DACH1: variants seen among roughly 807,000 people sequenced by gnomAD.
DACH1 encodes dachshund family transcription factor 1, also known as dachshund homolog 1.
In DACH1, 12 loss-of-function variants were observed where a neutral mutation model predicts 54.2. The observed-to-expected ratio is 0.22, with a 90% CI of 0.14 to 0.36. The LOEUF (loss-of-function observed/expected upper bound fraction) is 0.36, where lower values mean the gene tolerates loss of function less well. Among genes scored for constraint, DACH1 ranks in the 10% least tolerant of loss-of-function variants. DACH1 has a pLI of 1.00. For synonymous variants in DACH1, 386 were observed against 366.2 expected (o/e 1.05, Z -0.62); for missense variants, 805 against 929.8 (o/e 0.87, Z 1.75).
At chr13:71,660,753 T>A (rs1389957905) in intron 2 of DACH1, among the ~76,000 whole-genome samples, 1 of 151,914 alleles carries the variant, frequency 6.6e-6, no homozygotes, top group African/African-American at 2.4e-5. Flanking sequence ...TGTTAGATTA[T>A]GTTAGGAATT....
chr13:71,626,849 A>G (rs757250309), intron 3 of DACH1, among the ~76,000 whole-genome samples: 5 of 152,080 alleles, frequency 3.3e-5, no homozygotes, highest in Non-Finnish European at 5.9e-5. Flanking sequence ...CATTTCAGTA[A>G]GCAGGAGATT....
At chr13:71,653,946 A>G (rs1158790957) in intron 2 of DACH1, among the ~76,000 whole-genome samples, 1 of 152,184 alleles carries the variant, frequency 6.6e-6, no homozygotes, top group Non-Finnish European at 1.5e-5. Flanking sequence ...ACCACTATTT[A>G]TATTTGCACT....
At chr13:71,610,592 A>T (rs887176417) in intron 3 of DACH1, among the ~76,000 whole-genome samples, 7 of 152,216 alleles carry the variant, frequency 4.6e-5, no homozygotes, top group Non-Finnish European at 1.0e-4. Context: ...TCAATACATT[A>T]ACATAACACA....
chr13:71,515,861 T>C lies in DACH1; in HGVS notation c.1571-26713A>G, dbSNP rs143852459. Among the ~76,000 whole-genome samples, 310 of 152,004 alleles carry C rather than the reference T, an allele frequency of 2.0e-3. 1 individual carries two copies. Among genetic ancestry groups the C allele is most frequent in the African/African-American group, 6.2e-3 (259 of 41,536 alleles). ...GCTCTGCACACGTTGTAATAACTTA[T>C]TAGACAAATTCACAGGGTAACAATC... is the stretch of plus-strand genomic sequence containing the variant. On this transcript the variant is annotated intron_variant, in intron 6 of 10. Transcript: ENST00000613252.
At chr13:71,609,541 C>CT (rs72225531) in intron 3 of DACH1, among the ~76,000 whole-genome samples, 26 of 147,966 alleles carry the variant, frequency 1.8e-4, no homozygotes, top group Admixed American at 2.0e-4. Context: ...TAGAAGTTGA[C>CT]TTTTTTTTTT....
chr13:71,523,790 T>C (rs1881765564), intron 6 of DACH1, among the ~76,000 whole-genome samples: 1 of 152,150 alleles, frequency 6.6e-6, no homozygotes, highest in African/African-American at 2.4e-5. Context: ...TTTTAAAAAT[T>C]AATTTCATAA....
chr13:71,793,655 C>A (rs1040212564), intron 1 of DACH1, among the ~76,000 whole-genome samples: 39 of 152,076 alleles, frequency 2.6e-4, no homozygotes, highest in Admixed American at 2.4e-3. Flanking sequence ...CACAGCCTCT[C>A]GAGTAGCTGG....
At chr13:71,747,823 G>A (rs77301940) in intron 1 of DACH1, among the ~76,000 whole-genome samples, 29 of 152,090 alleles carry the variant, frequency 1.9e-4, no homozygotes, top group African/African-American at 7.0e-4. Flanking sequence ...AATGAATTGT[G>A]TCCTAATGGG....
intron 6 of DACH1, among the ~76,000 whole-genome samples, chr13:71,519,284 T>C (rs901907514): frequency 5.9e-5 from 9 of 151,880 alleles, no homozygotes; most frequent in Non-Finnish European, 1.3e-4. Context: ...CTCTAACCTA[T>C]ATTTATAATG....
intron 3 of DACH1, among the ~76,000 whole-genome samples, chr13:71,619,346 C>T (rs1876035175): frequency 6.6e-6 from 1 of 151,906 alleles, no homozygotes; most frequent in African/African-American, 2.4e-5. Flanking sequence ...AAAGGTCACT[C>T]TGTTCCATTT....
intron 1 of DACH1, among the ~76,000 whole-genome samples, chr13:71,839,240 T>A (rs1211722814): frequency 6.6e-6 from 1 of 152,200 alleles, no homozygotes; most frequent in Non-Finnish European, 1.5e-5. Flanking sequence ...AATCAGTGCT[T>A]TTAATATCAT....
chr13:71,630,460 T>C, intron 3 of DACH1, 96 bp downstream of exon 3: 1 of 1,436,708 alleles, frequency 7.0e-7, no homozygotes, highest in South Asian at 1.7e-5. Context: ...GTGCCAACTT[T>C]TTGAATGGGT....
At chr13:71,498,023 AT>A (rs1293539264) in intron 6 of DACH1, among the ~76,000 whole-genome samples, 1 of 152,118 alleles carries the variant, frequency 6.6e-6, no homozygotes, top group Non-Finnish European at 1.5e-5. Context: ...AGAACTCTGA[AT>A]TTTGAGTTTG....
At chr13:71,543,949 C>A (rs1262192446) in intron 6 of DACH1, among the ~76,000 whole-genome samples, 2 of 152,088 alleles carry the variant, frequency 1.3e-5, no homozygotes, top group Non-Finnish European at 2.9e-5. Flanking sequence ...AATTGTCCCA[C>A]CTTACCACTA....
At chr13:71,748,312 T>C (rs367761493) in intron 1 of DACH1, among the ~76,000 whole-genome samples, 3 of 152,176 alleles carry the variant, frequency 2.0e-5, no homozygotes, top group African/African-American at 7.2e-5. Context: ...AATACAACTT[T>C]GAGACCATAC....
chr13:71,772,601 G>C (rs913956174), intron 1 of DACH1, among the ~76,000 whole-genome samples: 4 of 151,696 alleles, frequency 2.6e-5, no homozygotes, highest in African/African-American at 9.7e-5. Context: ...GACAAGTGCA[G>C]AACATGCTTT....
chr13:71,679,387 A>G (rs1034403034), intron 2 of DACH1, among the ~76,000 whole-genome samples: 1 of 152,144 alleles, frequency 6.6e-6, no homozygotes, highest in Non-Finnish European at 1.5e-5. Flanking sequence ...TTTTCATGGT[A>G]TCATCTTATT....
chr13:71,823,819 G>C (rs1888283661), intron 1 of DACH1, among the ~76,000 whole-genome samples: 1 of 151,886 alleles, frequency 6.6e-6, no homozygotes, highest in Admixed American at 6.6e-5. Flanking sequence ...GTAAACAAAA[G>C]AAGGCTATTT....
intron 6 of DACH1, among the ~76,000 whole-genome samples, chr13:71,514,707 C>T (rs1195043725): frequency 6.6e-6 from 1 of 151,722 alleles, no homozygotes; most frequent in African/African-American, 2.4e-5. Flanking sequence ...ACATTTCTTT[C>T]ATCTCCTTCA....
Sources: gnomAD v4.1 joint callset for allele counts (sites outside exome capture counted in the v4.1 genomes callset) on GRCh38, gnomAD v4.1.1 for gene constraint, MANE v1.5 for transcripts, NCBI Gene and HGNC (gene_info 2026-07-23, HGNC 2026-07-21) for gene names.